The following CCDC125 variants were observed in gnomAD, a reference collection of about 807,000 sequenced individuals.
CCDC125 encodes the protein coiled-coil domain containing 125.
Under a neutral mutation model 57.4 loss-of-function variants are expected in CCDC125, and 43 were observed. The ratio of observed to expected loss-of-function variants is 0.75; its 90% CI spans 0.59 to 0.97. The LOEUF (loss-of-function observed/expected upper bound fraction) is 0.97. CCDC125 is among the 50% of genes least tolerant of loss of function. The probability of loss-of-function intolerance (pLI) is 0.00; values close to 1 mark genes in which losing one functional copy is unlikely to be tolerated. For missense variants in CCDC125, 563 were observed against 595.7 expected, an observed-to-expected ratio of 0.95 and a Z score of 0.57; for synonymous variants, 187 against 195.2, an observed-to-expected ratio of 0.96 and a Z score of 0.35.
At chr5:69,312,713 AG>A (rs1159674576) in intron 3 of CCDC125, among the ~76,000 whole-genome samples, 1 of 152,174 alleles carries the variant, frequency 6.6e-6, no homozygotes, top group Admixed American at 6.5e-5. Flanking sequence ...TTAAGAGATG[AG>A]GTGGATAAGA....
chr5:69,302,420 CAAAAAAAAAAAA>C (rs70992918), intron 7 of CCDC125, among the ~76,000 whole-genome samples: 76 of 30,740 alleles, frequency 2.5e-3, no homozygotes, highest in African/African-American at 0.013. Context: ...GACTCCATCT[CAAAAAAAAAAAA>C]AAAAAAAAAA....
At position 69,281,855 on chromosome 5, in the gene CCDC125, AT is replaced by A; in HGVS notation, c.*873del. ...TTTTTTGTTTTTCCCAAAAATCATT[AT>A]TTTTTGTTTTAGGATGTTGGCAAAC... On this transcript the variant is annotated 3_prime_UTR_variant, in exon 12 of 12. Transcript: ENST00000396496. The A allele has an allele frequency of 6.7e-6, 1 of 149,786 alleles. No homozygotes were observed. Among genetic ancestry groups the A allele is most frequent in the Non-Finnish European group, 1.5e-5 (1 of 67,482 alleles). 9.3% of individuals were successfully genotyped at this position (149,786 alleles called of 1,614,324 possible).
chr5:69,307,807 C>A (rs1425182636), intron 5 of CCDC125, 144 bp downstream of exon 5: 1 of 631,946 alleles, frequency 1.6e-6, no homozygotes, highest in Non-Finnish European at 2.8e-6. Flanking sequence ...AGATTGTAAA[C>A]TCCAAAAGGG....
At chr5:69,294,299 GC>G in intron 9 of CCDC125, 1 of 203,402 alleles carries the variant, frequency 4.9e-6, no homozygotes, top group Non-Finnish European at 8.7e-6. Flanking sequence ...CAAATATCAT[GC>G]CAAGTACTTT....
chr5:69,283,982 A>G (rs1019058606), intron 11 of CCDC125, among the ~76,000 whole-genome samples: 1 of 150,106 alleles, frequency 6.7e-6, no homozygotes, highest in Non-Finnish European at 1.5e-5. Context: ...TAGTAGAGAC[A>G]GTTTCACCGT....
intron 9 of CCDC125, among the ~76,000 whole-genome samples, chr5:69,292,902 G>A (rs1157481040): frequency 3.4e-5 from 5 of 148,908 alleles, no homozygotes; most frequent in African/African-American, 7.5e-5. Flanking sequence ...GTGCAGTGTC[G>A]TGATCTCGGC....
rs774355588 is a variant in CCDC125 at position 69,320,228 on chromosome 5, C to T, written c.304+9G>A. 2 of 1,604,006 alleles carry T rather than the reference C, an allele frequency of 1.2e-6. No homozygotes were observed. Among genetic ancestry groups the T allele is most frequent in the Non-Finnish European group, 1.7e-6 (2 of 1,173,798 alleles). On this transcript the variant is annotated intron_variant, in intron 2 of 11. Coordinates refer to ENST00000396496, the MANE Select transcript of CCDC125 (RefSeq NM_176816.5). Reference sequence around the variant, plus strand: ...GAGAAAGAAAGGAGAGGAAATTCAGCATTCTTACCAGTGCTACTTTGTCGT... The same window carrying T: ...GAGAAAGAAAGGAGAGGAAATTCAGTATTCTTACCAGTGCTACTTTGTCGT...
intron 9 of CCDC125, 128 bp from the exon 10 acceptor site, chr5:69,292,490 G>C: frequency 1.5e-6 from 1 of 665,918 alleles, no homozygotes; most frequent in Admixed American, 2.9e-5. Flanking sequence ...GTCTGATCTA[G>C]TTTATCTGAT....
intron 2 of CCDC125, among the ~76,000 whole-genome samples, chr5:69,316,378 T>A (rs1759105257): frequency 6.6e-6 from 1 of 151,972 alleles, no homozygotes; most frequent in African/African-American, 2.4e-5. Context: ...AGAAGGTAAA[T>A]GTTAGAGTGA....
chr5:69,331,861 C>T (rs1487558236), intron 1 of CCDC125, among the ~76,000 whole-genome samples: 1 of 152,214 alleles, frequency 6.6e-6, no homozygotes, highest in African/African-American at 2.4e-5. Context: ...CTGAGTCTTC[C>T]CAGTTCTGGG....
downstream of CCDC125, among the ~76,000 whole-genome samples, chr5:69,278,511 C>T (rs1324008066): frequency 6.6e-6 from 1 of 152,046 alleles, no homozygotes. Flanking sequence ...CCGCGCCCAG[C>T]CAATACTTCA....
intron 1 of CCDC125, 89 bp from the exon 2 acceptor site, chr5:69,320,669 T>A: frequency 1.6e-6 from 1 of 638,222 alleles, no homozygotes; most frequent in East Asian, 2.7e-5. Flanking sequence ...TTGAAATCAG[T>A]ATGTCAAAGA....
chr5:69,298,280 C>T (rs1206815640), intron 8 of CCDC125, among the ~76,000 whole-genome samples: 1 of 152,192 alleles, frequency 6.6e-6, no homozygotes, highest in Admixed American at 6.5e-5. Context: ...TCCCAAAGTG[C>T]TGGGATTACA....
At chr5:69,300,868 T>C (rs1756296848) in intron 7 of CCDC125, among the ~76,000 whole-genome samples, 1 of 152,030 alleles carries the variant, frequency 6.6e-6, no homozygotes, top group Non-Finnish European at 1.5e-5. Context: ...TCTTCTTTTT[T>C]CCTTTCTTTT....
intron 8 of CCDC125, among the ~76,000 whole-genome samples, chr5:69,298,589 A>T (rs1317981587): frequency 6.6e-6 from 1 of 152,130 alleles, no homozygotes; most frequent in Non-Finnish European, 1.5e-5. Flanking sequence ...AAGACCTGGG[A>T]AGGGCCAATA....
chr5:69,311,073 T>G, intron 4 of CCDC125, 45 bp downstream of exon 4: 1 of 1,269,492 alleles, frequency 7.9e-7, no homozygotes, highest in Non-Finnish European at 1.1e-6. Flanking sequence ...ACCAACATTA[T>G]TATTGGAATG....
intron 1 of CCDC125, among the ~76,000 whole-genome samples, chr5:69,331,663 C>G (rs1761439761): frequency 6.6e-6 from 1 of 152,180 alleles, no homozygotes; most frequent in South Asian, 2.1e-4. Flanking sequence ...TCTGCGCTTC[C>G]ACGTAAGAGG....
intron 3 of CCDC125, chr5:69,313,751 C>T: frequency 1.3e-6 from 1 of 781,000 alleles, no homozygotes; most frequent in African/African-American, 1.7e-5. Flanking sequence ...CTTGTCTTCA[C>T]TCAGGCGGAA....
chr5:69,304,070 C>T, intron 6 of CCDC125, 141 bp from the exon 7 acceptor site: 1 of 517,862 alleles, frequency 1.9e-6, no homozygotes, highest in Non-Finnish European at 3.3e-6. Context: ...ACACGTATCA[C>T]AAAAATAAAA....
Sources: gnomAD v4.1 joint callset for allele counts (sites outside exome capture counted in the v4.1 genomes callset) on GRCh38, gnomAD v4.1.1 for gene constraint, MANE v1.5 for transcripts, NCBI Gene and HGNC (gene_info 2026-07-23, HGNC 2026-07-21) for gene names.